The following KCNIP1 variants were observed in gnomAD, a reference collection of about 807,000 sequenced individuals.
KCNIP1 encodes the protein A-type potassium channel modulatory protein KCNIP1.
In KCNIP1, 18 loss-of-function variants were observed where a neutral mutation model predicts 33.0. That is an observed-to-expected ratio of 0.55 (90% CI 0.38 to 0.81). KCNIP1 has a LOEUF of 0.81. Ranked by LOEUF, KCNIP1 falls within the 30% of genes least tolerant of loss-of-function variation. The pLI, the probability that KCNIP1 is intolerant of heterozygous loss-of-function variation, is 0.00. For synonymous variants in KCNIP1, 93 were observed against 98.3 expected, an observed-to-expected ratio of 0.95 and a Z score of 0.32; for missense variants, 238 against 271.6, an observed-to-expected ratio of 0.88 and a Z score of 0.87.
chr5:170,495,555 A>C (rs10051409), intron 1 of KCNIP1, among the ~76,000 whole-genome samples: 5,735 of 152,250 alleles, frequency 0.038, 272 homozygotes, highest in African/African-American at 0.1. Flanking sequence ...CATTCCGCCA[A>C]AGTCTGGGGT....
intron 1 of KCNIP1, among the ~76,000 whole-genome samples, chr5:170,517,698 G>A (rs1352398458): frequency 6.6e-6 from 1 of 151,832 alleles, no homozygotes; most frequent in African/African-American, 2.4e-5. Flanking sequence ...GGTGATGATG[G>A]TGATGGTGAT....
chr5:170,598,707 C>T (rs1758555896), intron 1 of KCNIP1, among the ~76,000 whole-genome samples: 2 of 152,080 alleles, frequency 1.3e-5, no homozygotes. Context: ...TATCTTCTCA[C>T]TTCAGAAGGG....
At chr5:170,724,594 TAA>T (rs1016683175) in intron 5 of KCNIP1, among the ~76,000 whole-genome samples, 1 of 152,154 alleles carries the variant, frequency 6.6e-6, no homozygotes, top group African/African-American at 2.4e-5. Context: ...TAGAAAACCC[TAA>T]GAGTCTACAA....
chr5:170,729,372 C>T (rs1322034317), intron 5 of KCNIP1, among the ~76,000 whole-genome samples: 1 of 152,000 alleles, frequency 6.6e-6, no homozygotes, highest in East Asian at 1.9e-4. Context: ...TGATATTCCT[C>T]AGTAGACATT....
At chr5:170,390,094 G>A (rs979018664) in intron 1 of KCNIP1, among the ~76,000 whole-genome samples, 4 of 152,160 alleles carry the variant, frequency 2.6e-5, no homozygotes, top group African/African-American at 9.7e-5. Flanking sequence ...CCCAGAGACC[G>A]CGAAAGTACA....
chr5:170,680,611 GAA>G (rs1762303724), intron 1 of KCNIP1: 1 of 152,466 alleles, frequency 6.6e-6, no homozygotes, highest in Non-Finnish European at 1.5e-5. Context: ...ACTGGGAAGT[GAA>G]GACAAATTGT....
intron 1 of KCNIP1, among the ~76,000 whole-genome samples, chr5:170,586,513 C>T (rs917234957): frequency 1.4e-5 from 2 of 146,716 alleles, no homozygotes; most frequent in African/African-American, 5.0e-5. Flanking sequence ...CTGAAATTTA[C>T]TGTCAGCAAC....
chr5:170,455,407 A>C (rs973769933), intron 1 of KCNIP1, among the ~76,000 whole-genome samples: 1 of 151,870 alleles, frequency 6.6e-6, no homozygotes, highest in South Asian at 2.1e-4. Context: ...TGGTGTGATC[A>C]TGGCTCACTG....
chr5:170,503,960 C>CGG, upstream of KCNIP1: 4 of 785,788 alleles, frequency 5.1e-6, no homozygotes, highest in East Asian at 1.3e-4. Context: ...CCCTCGCCCC[C>CGG]GCCCCGCCCC....
intron 1 of KCNIP1, among the ~76,000 whole-genome samples, chr5:170,627,485 G>A (rs1473628695): frequency 6.6e-6 from 1 of 152,218 alleles, no homozygotes; most frequent in Non-Finnish European, 1.5e-5. Context: ...ACAGTGCCCA[G>A]CTGTGCTGGC....
chr5:170,707,170 A>C (rs1177349815), intron 1 of KCNIP1, among the ~76,000 whole-genome samples: 1 of 152,088 alleles, frequency 6.6e-6, no homozygotes, highest in East Asian at 1.9e-4. Flanking sequence ...AAAAAAAAAA[A>C]AAAAAAAATC....
At chr5:170,518,368 G>T (rs879331022) in intron 1 of KCNIP1, among the ~76,000 whole-genome samples, 2 of 152,194 alleles carry the variant, frequency 1.3e-5, no homozygotes, top group African/African-American at 2.4e-5. Context: ...AGACAAATCA[G>T]CCCATGCCTT....
At chr5:170,460,882 G>A (rs1756488173) in intron 1 of KCNIP1, among the ~76,000 whole-genome samples, 1 of 152,192 alleles carries the variant, frequency 6.6e-6, no homozygotes, top group African/African-American at 2.4e-5. Context: ...GTTTGCTGAT[G>A]ATATTATTGT....
At chr5:170,440,533 A>G (rs1755965124) in intron 1 of KCNIP1, among the ~76,000 whole-genome samples, 1 of 152,148 alleles carries the variant, frequency 6.6e-6, no homozygotes, top group Non-Finnish European at 1.5e-5. Context: ...ACCCCCTCCT[A>G]GGGGAGAGTC....
At position 170,718,911 on chromosome 5, in the gene KCNIP1, G is replaced by C. The variant is rs957207798; in HGVS notation, c.186+29G>C. The C allele has an allele frequency of 3.0e-5, 47 of 1,574,070 alleles. 1 individual carries two copies. In the Admixed American group the frequency reaches 5.7e-4, roughly 19 times the overall value. ...AGACCCGTGCACGCTCTGAAGGCCT[G>C]GGGGGGGTTCCCACGTGAGGCTACA... On this transcript the variant is annotated intron_variant, in intron 2 of 7. Coordinates refer to ENST00000328939, the MANE Select transcript of KCNIP1 (RefSeq NM_014592.4).
At chr5:170,407,913 T>C (rs1755078908) in intron 1 of KCNIP1, among the ~76,000 whole-genome samples, 8 of 152,230 alleles carry the variant, frequency 5.3e-5, no homozygotes. Flanking sequence ...ATCTTAGCTA[T>C]AGGGGTGTCC....
chr5:170,456,518 A>G (rs1466390994), intron 1 of KCNIP1, among the ~76,000 whole-genome samples: 1 of 151,968 alleles, frequency 6.6e-6, no homozygotes, highest in Non-Finnish European at 1.5e-5. Flanking sequence ...AATAAGCTAG[A>G]CTTCTATCTT....
chr5:170,602,522 T>A (rs1258596070), intron 1 of KCNIP1, among the ~76,000 whole-genome samples: 1 of 152,160 alleles, frequency 6.6e-6, no homozygotes, highest in Non-Finnish European at 1.5e-5. Flanking sequence ...TGCCGTGCAG[T>A]TTGTGACTTT....
chr5:170,582,594 T>G (rs1757837112), intron 1 of KCNIP1, among the ~76,000 whole-genome samples: 1 of 152,202 alleles, frequency 6.6e-6, no homozygotes, highest in Admixed American at 6.5e-5. Context: ...CTCAGACTAT[T>G]GGTCTGAGGC....
Sources: gnomAD v4.1 joint callset for allele counts (sites outside exome capture counted in the v4.1 genomes callset) on GRCh38, gnomAD v4.1.1 for gene constraint, MANE v1.5 for transcripts, NCBI Gene and HGNC (gene_info 2026-07-23, HGNC 2026-07-21) for gene names.